SMPD3: variants seen among roughly 807,000 people sequenced by gnomAD.
The protein encoded by SMPD3 is sphingomyelin phosphodiesterase 3.
SMPD3 carries 21 observed loss-of-function variants against 55.7 expected under a neutral mutation model. That is an observed-to-expected ratio of 0.38 (90% CI 0.27 to 0.54). The LOEUF (loss-of-function observed/expected upper bound fraction) is 0.54. Ranked by LOEUF, SMPD3 falls within the 20% of genes least tolerant of loss-of-function variation. The pLI, the probability that SMPD3 is intolerant of heterozygous loss-of-function variation, is 0.80. For missense variants in SMPD3, 842 were observed against 899.6 expected, an observed-to-expected ratio of 0.94 and a Z score of 0.82; for synonymous variants, 457 against 404.3, an observed-to-expected ratio of 1.13 and a Z score of -1.56.
intron 1 of SMPD3, among the ~76,000 whole-genome samples, chr16:68,406,508 T>A (rs115502988): frequency 6.6e-6 from 1 of 152,088 alleles, no homozygotes; most frequent in Admixed American, 6.5e-5. Context: ...GCCAGGATGG[T>A]GCCTGGAAAG....
intron 1 of SMPD3, among the ~76,000 whole-genome samples, chr16:68,440,797 C>T (rs1252830194): frequency 6.6e-6 from 1 of 152,198 alleles, no homozygotes; most frequent in Non-Finnish European, 1.5e-5. Flanking sequence ...GGTTGTCATT[C>T]CCCTGATTCC....
At chr16:68,393,383 G>A (rs764261063) in intron 1 of SMPD3, among the ~76,000 whole-genome samples, 27 of 152,130 alleles carry the variant, frequency 1.8e-4, no homozygotes, top group African/African-American at 6.0e-4. Context: ...CAGCCTGGGC[G>A]ATAGAGCACG....
intron 1 of SMPD3, among the ~76,000 whole-genome samples, chr16:68,445,289 G>A (rs2090601231): frequency 6.6e-6 from 1 of 152,142 alleles, no homozygotes; most frequent in South Asian, 2.1e-4. Context: ...GAGTAGTAGA[G>A]GTAGAGGTAG....
chr16:68,361,420 C>A, intron 8 of SMPD3, 113 bp from the exon 9 acceptor site: 1 of 1,372,820 alleles, frequency 7.3e-7, no homozygotes, highest in South Asian at 1.3e-5. Flanking sequence ...GGGCTGGGAC[C>A]TTCCTGCAGT....
rs759774779 is a variant in SMPD3, at chr16:68,363,561, T to TG, written c.1646-3dup. The TG allele has an allele frequency of 4.0e-5, 64 of 1,612,568 alleles. No homozygotes were observed. The highest frequency in any genetic ancestry group is 3.3e-4 in the Admixed American group (20 of 59,914). On this transcript the variant is annotated splice_region_variant and splice_polypyrimidine_tract_variant and intron_variant, in intron 6 of 8. Coordinates refer to ENST00000219334, the MANE Select transcript of SMPD3 (RefSeq NM_018667.4). Reference sequence around the variant, plus strand: ...GGCCGTTCGTGTCCAGCAGAGTACCTGGGGGGGACGAGGGGGTGACAGTGG... The same window carrying TG: ...GGCCGTTCGTGTCCAGCAGAGTACCTGGGGGGGGACGAGGGGGTGACAGTGG...
chr16:68,443,160 C>T (rs2152036009), intron 1 of SMPD3, among the ~76,000 whole-genome samples: 1 of 152,282 alleles, frequency 6.6e-6, no homozygotes, highest in South Asian at 2.1e-4. Context: ...GTTGGAACTG[C>T]CACTTTAGGA....
intron 1 of SMPD3, among the ~76,000 whole-genome samples, chr16:68,427,502 T>C (rs1002035061): frequency 1.3e-5 from 2 of 152,242 alleles, no homozygotes; most frequent in African/African-American, 2.4e-5. Context: ...TTCGACACTG[T>C]CCAATATGGT....
At chr16:68,414,042 G>A (rs1472342505) in intron 1 of SMPD3, among the ~76,000 whole-genome samples, 1 of 152,180 alleles carries the variant, frequency 6.6e-6, no homozygotes, top group Non-Finnish European at 1.5e-5. Context: ...GCCAGACTAT[G>A]GTAGAGACAG....
chr16:68,403,015 G>T (rs904136111), intron 1 of SMPD3, among the ~76,000 whole-genome samples: 3 of 152,222 alleles, frequency 2.0e-5, no homozygotes, highest in East Asian at 3.9e-4. Context: ...CTGTGTCAGG[G>T]TGCAGCACAG....
intron 1 of SMPD3, among the ~76,000 whole-genome samples, chr16:68,431,133 T>A (rs1372134891): frequency 6.6e-6 from 1 of 152,126 alleles, no homozygotes; most frequent in Non-Finnish European, 1.5e-5. Context: ...GCCTTAGATT[T>A]TCAGTTACTT....
Position 68,361,231 on chromosome 16 carries a change from A to G in SMPD3, c.1943T>C (p.Val648Ala). 1.2e-6 allele frequency: 2 copies of G among 1,613,862 alleles called. No homozygotes were observed. Among genetic ancestry groups the G allele is most frequent in the Non-Finnish European group, 1.7e-6 (2 of 1,179,956 alleles). Reference sequence around the variant, plus strand: ...CTATGCCTCCTCCTCCCCCGAAGACACCATCAGTCGCATGGCTACTGGCAG... The same window carrying G: ...CTATGCCTCCTCCTCCCCCGAAGACGCCATCAGTCGCATGGCTACTGGCAG... The part of the protein sequence containing the change: ...DHLPVAMRLM[V>A]SSGEEEA Residue 648 changes from valine to alanine, a missense_variant, in exon 9 of 9, where the codon GTG (valine) becomes GCG (alanine). This residue lies in a region of SMPD3 where 649 missense variants were observed against 643.6 expected (regional missense o/e 1.01). Transcript: ENST00000219334.
At chr16:68,398,987 C>T (rs891804518) in intron 1 of SMPD3, among the ~76,000 whole-genome samples, 22 of 152,218 alleles carry the variant, frequency 1.4e-4, no homozygotes, top group African/African-American at 4.3e-4. Flanking sequence ...CCTTTAATTA[C>T]GTTTCTTATT....
intron 2 of SMPD3, among the ~76,000 whole-genome samples, chr16:68,375,979 G>A (rs1416171124): frequency 6.6e-6 from 1 of 152,202 alleles, no homozygotes; most frequent in Non-Finnish European, 1.5e-5. Flanking sequence ...CCCTGCTCCT[G>A]TGTGCGGCCC....
chr16:68,395,283 C>T (rs1289004200), intron 1 of SMPD3, among the ~76,000 whole-genome samples: 3 of 152,068 alleles, frequency 2.0e-5, no homozygotes, highest in Non-Finnish European at 4.4e-5. Flanking sequence ...GTAATCTGGT[C>T]GAGAGGAAGG....
chr16:68,424,697 T>G (rs1210139757), intron 1 of SMPD3, among the ~76,000 whole-genome samples: 1 of 152,196 alleles, frequency 6.6e-6, no homozygotes, highest in Non-Finnish European at 1.5e-5. Context: ...ATGACTCTAT[T>G]ATAAACCAGA....
chr16:68,361,128 G>T lies in SMPD3; in HGVS notation c.*78C>A. On this transcript the variant is annotated 3_prime_UTR_variant, in exon 9 of 9. Transcript: ENST00000219334. ...CCTGCCCTCCTCCCCCAAGCACCGG[G>T]CACTCGATGGAGGGGACATGGCCCA... is the stretch of plus-strand genomic sequence containing the variant. 2 of 1,330,770 alleles carry T rather than the reference G, an allele frequency of 1.5e-6. No individual in the cohort carries two copies. The highest frequency in any genetic ancestry group is 4.9e-5 in the East Asian group (2 of 40,588). 82.4% of individuals were successfully genotyped at this position (1,330,770 alleles called of 1,614,324 possible).
chr16:68,382,929 C>A (rs1245207058), intron 2 of SMPD3, among the ~76,000 whole-genome samples: 1 of 152,192 alleles, frequency 6.6e-6, no homozygotes, highest in Non-Finnish European at 1.5e-5. Flanking sequence ...GCAACCTCCA[C>A]CCCCCACTGG....
At chr16:68,361,799 G>A (rs759871907) in intron 7 of SMPD3, 40 bp from the exon 8 acceptor site, 25 of 1,591,138 alleles carry the variant, frequency 1.6e-5, no homozygotes, top group African/African-American at 1.1e-4. Flanking sequence ...CCCCATGCCC[G>A]CCCCTGTGGG....
chr16:68,418,448 T>G (rs935411634), intron 1 of SMPD3, among the ~76,000 whole-genome samples: 1 of 152,092 alleles, frequency 6.6e-6, no homozygotes, highest in South Asian at 2.1e-4. Context: ...CTTTGAATAC[T>G]TTAAATATAA....
Sources: allele counts gnomAD v4.1 joint callset (sites outside exome capture counted in the v4.1 genomes callset), GRCh38; gene constraint gnomAD v4.1.1; regional missense constraint gnomAD v4.1.1; transcripts MANE v1.5; gene names NCBI Gene and HGNC (gene_info 2026-07-23, HGNC 2026-07-21).